GRIA3: variants seen among roughly 807,000 people sequenced by gnomAD.
The protein encoded by GRIA3 is glutamate ionotropic receptor AMPA type subunit 3, also known as glutamate receptor 3.
GRIA3 carries 3 observed loss-of-function variants against 63.0 expected under a neutral mutation model. The observed-to-expected ratio is 0.05, with a 90% CI of 0.02 to 0.12. The LOEUF (loss-of-function observed/expected upper bound fraction) is 0.12, where lower values mean the gene tolerates loss of function less well. Ranked by LOEUF, GRIA3 falls within the 10% of genes least tolerant of loss-of-function variation. The pLI is 1.00. For missense variants in GRIA3, 347 were observed against 700.9 expected, an observed-to-expected ratio of 0.50 and a Z score of 5.70; for synonymous variants, 274 against 257.9, an observed-to-expected ratio of 1.06 and a Z score of -0.60.
intron 14 of GRIA3, among the ~76,000 whole-genome samples, chrX:123,481,463 T>C (rs1603180213): frequency 8.9e-6 from 1 of 112,117 alleles, no homozygotes; most frequent in East Asian, 2.8e-4. Context: ...CTGGCTTCTA[T>C]GAAAATGGGA....
intron 5 of GRIA3, among the ~76,000 whole-genome samples, chrX:123,365,928 T>C (rs965351942): frequency 8.9e-6 from 1 of 112,119 alleles, no homozygotes; most frequent in African/African-American, 3.2e-5. Flanking sequence ...TATTTCTTGA[T>C]TACATGTTAA....
chrX:123,190,846 G>A (rs993303081), intron 2 of GRIA3, among the ~76,000 whole-genome samples: 1 of 111,959 alleles, frequency 8.9e-6, no homozygotes, highest in Non-Finnish European at 1.9e-5. Flanking sequence ...TTTTTGTTAT[G>A]TTTTTGGCTC....
At chrX:123,384,058 G>C (rs931261578) in intron 5 of GRIA3, among the ~76,000 whole-genome samples, 1 of 112,141 alleles carries the variant, frequency 8.9e-6, no homozygotes, top group African/African-American at 3.2e-5. Flanking sequence ...TCACTGCATA[G>C]TATTCCATGG....
chrX:123,354,218 G>A (rs2045117649), intron 4 of GRIA3, among the ~76,000 whole-genome samples: 2 of 110,646 alleles, frequency 1.8e-5, no homozygotes, highest in Admixed American at 9.6e-5. Context: ...GATGTCTAGC[G>A]ACATCCTTGG....
At position 123,458,332 on chromosome X, in the gene GRIA3, G is replaced by A. The variant is rs1003470443; in HGVS notation, c.2077-6533G>A. On this transcript the variant is annotated intron_variant, in intron 12 of 15. Coordinates refer to ENST00000620443, the MANE Select transcript of GRIA3 (RefSeq NM_007325.5). ...AATAATCAGTACTCCCTACAATGGA[G>A]AAATGGAAACAGAGAGGACGTACTG... Among the ~76,000 whole-genome samples the A allele has an allele frequency of 3.7e-5, 4 of 109,375 alleles. No homozygotes were observed. In the Admixed American group the frequency reaches 4.0e-4, roughly 11 times the overall value. 95.0% of individuals were successfully genotyped at this position (109,375 alleles called of 115,157 possible).
chrX:123,233,078 T>A (rs774010017), intron 2 of GRIA3, among the ~76,000 whole-genome samples: 1 of 110,290 alleles, frequency 9.1e-6, no homozygotes, highest in East Asian at 2.9e-4. Context: ...AAATATTTGG[T>A]GGAGTTGGAG....
At chrX:123,367,439 TG>T (rs201500328) in intron 5 of GRIA3, among the ~76,000 whole-genome samples, 18 of 108,660 alleles carry the variant, frequency 1.7e-4, no homozygotes, top group East Asian at 8.5e-4. Flanking sequence ...TTTTGTTTTT[TG>T]TTTTTTGTTT....
chrX:123,367,316 G>A (rs1483932719), intron 5 of GRIA3, among the ~76,000 whole-genome samples: 2 of 112,023 alleles, frequency 1.8e-5, no homozygotes, highest in Non-Finnish European at 3.8e-5. Context: ...AATACCAGAT[G>A]AAATTCAGTG....
At position 123,410,245 on chromosome X, in the gene GRIA3, G is replaced by C. The variant is rs2045497843; in HGVS notation, c.1500+5331G>C. On this transcript the variant is annotated intron_variant, in intron 10 of 15. Coordinates refer to ENST00000620443, the MANE Select transcript of GRIA3 (RefSeq NM_007325.5). ...TCAGGAGAAAGGCTAAAAGGAAATTGAGGCCCCAATTAACAGAACACCTCC... is the reference window on the plus strand; with the variant it reads ...TCAGGAGAAAGGCTAAAAGGAAATTCAGGCCCCAATTAACAGAACACCTCC... Among the ~76,000 whole-genome samples, 4 of 111,474 alleles carry C rather than the reference G, an allele frequency of 3.6e-5. No individual in the cohort carries two copies. The Admixed American group carries it at 3.8e-4, about 11-fold the overall frequency.
intron 12 of GRIA3, among the ~76,000 whole-genome samples, chrX:123,446,732 G>A (rs760022240): frequency 1.2e-4 from 13 of 111,870 alleles, no homozygotes; most frequent in Non-Finnish European, 1.5e-4. Context: ...TCCTTAGTTC[G>A]TTGAATTAAC....
chrX:123,410,801 G>A (rs1028277506), intron 10 of GRIA3, among the ~76,000 whole-genome samples: 10 of 111,679 alleles, frequency 9.0e-5, no homozygotes, highest in African/African-American at 2.9e-4. Context: ...AGCAGAAAGA[G>A]TGGGGAAAAT....
At chrX:123,247,306 T>C (rs780943652) in intron 2 of GRIA3, among the ~76,000 whole-genome samples, 8 of 112,058 alleles carry the variant, frequency 7.1e-5, no homozygotes, top group African/African-American at 2.6e-4. Context: ...TTTGTAATGA[T>C]GCCTTTTGGA....
intron 13 of GRIA3, among the ~76,000 whole-genome samples, chrX:123,476,694 T>C (rs989584512): frequency 3.6e-5 from 4 of 111,090 alleles, no homozygotes; most frequent in African/African-American, 1.3e-4. Flanking sequence ...CAAAAGCACA[T>C]TGGTTCCCTG....
chrX:123,458,750 T>C (rs1007586193), intron 12 of GRIA3, among the ~76,000 whole-genome samples: 4 of 111,847 alleles, frequency 3.6e-5, no homozygotes, highest in African/African-American at 1.3e-4. Context: ...TCAACTTAAC[T>C]GCAAAACATA....
intron 3 of GRIA3, among the ~76,000 whole-genome samples, chrX:123,308,973 G>T (rs769401643): frequency 8.9e-6 from 1 of 112,622 alleles, no homozygotes; most frequent in Admixed American, 9.4e-5. Context: ...CCTCAGTGGA[G>T]AGCAATGACC....
Position 123,253,369 on chromosome X carries a change from C to T in GRIA3, c.335C>T (p.Thr112Ile). 1 of 1,209,888 alleles carries T rather than the reference C, an allele frequency of 8.3e-7. No homozygotes were observed. The highest frequency in any genetic ancestry group is 1.8e-5 in the South Asian group (1 of 56,933). Reference sequence around the variant, plus strand: ...TTCTATGACCAGATGTCAATGAACACCCTGACCTCCTTCTGTGGGGCCCTG... The same window carrying T: ...TTCTATGACCAGATGTCAATGAACATCCTGACCTCCTTCTGTGGGGCCCTG... ...FGFYDQMSMN[T>I]LTSFCGALHT... The change falls in exon 3 of 16, where the codon ACC becomes ATC. Residue 112 changes from threonine (T) to isoleucine (I), a missense_variant. This residue lies in a region of GRIA3 where 29 missense variants were observed against 69.4 expected (regional missense o/e 0.42). Coordinates refer to ENST00000620443, the MANE Select transcript of GRIA3 (RefSeq NM_007325.5).
chrX:123,402,379 G>A (rs936975823), intron 7 of GRIA3, among the ~76,000 whole-genome samples: 9 of 75,031 alleles, frequency 1.2e-4, no homozygotes, highest in East Asian at 4.3e-4. Flanking sequence ...TAAACATTAC[G>A]TTTATATGTG....
chrX:123,243,282 G>C (rs971472720), intron 2 of GRIA3, among the ~76,000 whole-genome samples: 1 of 112,066 alleles, frequency 8.9e-6, no homozygotes, highest in Non-Finnish European at 1.9e-5. Flanking sequence ...CTATACCCAT[G>C]ATCAAAATTA....
At chrX:123,198,716 C>T (rs923622446) in intron 2 of GRIA3, among the ~76,000 whole-genome samples, 1 of 111,956 alleles carries the variant, frequency 8.9e-6, no homozygotes, top group Admixed American at 9.5e-5. Context: ...CCTAATCATG[C>T]CACCATTAAG....
Sources: allele counts gnomAD v4.1 joint callset (sites outside exome capture counted in the v4.1 genomes callset), GRCh38; gene constraint gnomAD v4.1.1; regional missense constraint gnomAD v4.1.1; transcripts MANE v1.5; gene names NCBI Gene and HGNC (gene_info 2026-07-23, HGNC 2026-07-21).